The following GAB2 variants were observed in gnomAD, a reference collection of about 807,000 sequenced individuals.
GAB2 encodes GRB2 associated binding protein 2.
A neutral mutation model predicts 65.5 loss-of-function variants in GAB2; 26 were observed. The observed-to-expected ratio is 0.40, with a 90% CI of 0.29 to 0.55. The LOEUF (loss-of-function observed/expected upper bound fraction) is 0.55. Among genes scored for constraint, GAB2 ranks in the 20% least tolerant of loss-of-function variants. The pLI, the probability that GAB2 is intolerant of heterozygous loss-of-function variation, is 0.53. For synonymous variants in GAB2, 321 were observed against 329.6 expected, an observed-to-expected ratio of 0.97 and a Z score of 0.28; for missense variants, 884 against 875.8, an observed-to-expected ratio of 1.01 and a Z score of -0.12.
At chr11:78,233,183 G>GC (rs1394319799) in intron 3 of GAB2, among the ~76,000 whole-genome samples, 1 of 152,120 alleles carries the variant, frequency 6.6e-6, no homozygotes, top group East Asian at 1.9e-4. Context: ...GGGGCTACAG[G>GC]CATGTGCCAC....
chr11:78,222,572 A>C (rs191094594), intron 6 of GAB2, among the ~76,000 whole-genome samples: 2 of 149,146 alleles, frequency 1.3e-5, no homozygotes, highest in African/African-American at 2.4e-5. Context: ...TATACTATTT[A>C]TATATTAACA....
At chr11:78,360,253 T>A (rs117290944) in intron 1 of GAB2, among the ~76,000 whole-genome samples, 3,157 of 152,196 alleles carry the variant, frequency 0.021, 55 homozygotes, top group Middle Eastern at 0.034. Flanking sequence ...AAATTTGTAG[T>A]CATTTGTTAC....
intron 2 of GAB2, among the ~76,000 whole-genome samples, chr11:78,267,582 G>C (rs1369540821): frequency 6.6e-6 from 1 of 152,100 alleles, no homozygotes; most frequent in African/African-American, 2.4e-5. Context: ...GAATAGGCCA[G>C]GTGCGGTGGC....
intron 1 of GAB2, among the ~76,000 whole-genome samples, chr11:78,362,433 A>T (rs912126727): frequency 6.6e-6 from 1 of 152,146 alleles, no homozygotes; most frequent in African/African-American, 2.4e-5. Context: ...AAATAAGCAG[A>T]GGGATAAAAA....
intron 1 of GAB2, among the ~76,000 whole-genome samples, chr11:78,290,468 A>G: frequency 6.6e-6 from 1 of 152,234 alleles, no homozygotes; most frequent in East Asian, 1.9e-4. Flanking sequence ...TACATGTCAC[A>G]TGAACCTGTC....
chr11:78,382,393 T>G (rs1214128305), intron 1 of GAB2, among the ~76,000 whole-genome samples: 1 of 151,764 alleles, frequency 6.6e-6, no homozygotes, highest in East Asian at 1.9e-4. Flanking sequence ...ATTTTTTTTT[T>G]TTTGAGACAG....
At chr11:78,409,509 A>T (rs1235215920) in intron 1 of GAB2, among the ~76,000 whole-genome samples, 1 of 152,204 alleles carries the variant, frequency 6.6e-6, no homozygotes, top group Non-Finnish European at 1.5e-5. Flanking sequence ...GCTTGCACCC[A>T]GGAGGTGGAG....
At chr11:78,340,493 T>C (rs558301924) in intron 1 of GAB2, among the ~76,000 whole-genome samples, 3 of 152,186 alleles carry the variant, frequency 2.0e-5, no homozygotes, top group Non-Finnish European at 4.4e-5. Context: ...CCTGTGTCAT[T>C]CCTCCTATCA....
intron 2 of GAB2, among the ~76,000 whole-genome samples, chr11:78,276,966 C>T (rs993451249): frequency 2.0e-5 from 3 of 152,078 alleles, no homozygotes; most frequent in African/African-American, 4.8e-5. Flanking sequence ...TACAGTTGCC[C>T]GCCACCACGC....
intron 1 of GAB2, among the ~76,000 whole-genome samples, chr11:78,282,287 T>C (rs948325179): frequency 6.6e-6 from 1 of 152,022 alleles, no homozygotes; most frequent in African/African-American, 2.4e-5. Context: ...AGTCTATGCT[T>C]TACCATTGAC....
At chr11:78,232,146 C>G (rs1314709006) in intron 3 of GAB2, among the ~76,000 whole-genome samples, 1 of 152,218 alleles carries the variant, frequency 6.6e-6, no homozygotes, top group East Asian at 1.9e-4. Flanking sequence ...ATCAAAGCCT[C>G]TGGTGAATGA....
chr11:78,332,279 C>T (rs903695885), intron 1 of GAB2, among the ~76,000 whole-genome samples: 1 of 152,064 alleles, frequency 6.6e-6, no homozygotes, highest in South Asian at 2.1e-4. Context: ...GTGGTGAGGC[C>T]CCTGGTTTTT....
At chr11:78,369,203 T>C (rs979366246) in intron 1 of GAB2, among the ~76,000 whole-genome samples, 1 of 151,708 alleles carries the variant, frequency 6.6e-6, no homozygotes, top group African/African-American at 2.4e-5. Flanking sequence ...TTATCATCCC[T>C]GCTGGTCTCC....
intron 1 of GAB2, among the ~76,000 whole-genome samples, chr11:78,349,292 C>A (rs1856238068): frequency 6.6e-6 from 1 of 152,188 alleles, no homozygotes; most frequent in Non-Finnish European, 1.5e-5. Context: ...AAACAGGAAG[C>A]TGTATAGAAG....
At chr11:78,219,447 C>T in intron 9 of GAB2, 32 bp from the exon 10 acceptor site, 1 of 1,608,690 alleles carries the variant, frequency 6.2e-7, no homozygotes, top group Non-Finnish European at 8.5e-7. Context: ...GAGGGAGTAG[C>T]TGTGAGTTAC....
intron 1 of GAB2, among the ~76,000 whole-genome samples, chr11:78,393,282 C>T (rs914848165): frequency 1.3e-5 from 2 of 152,170 alleles, no homozygotes; most frequent in South Asian, 4.1e-4. Context: ...GAGATTCCCC[C>T]GCTCTAGTTA....
At chr11:78,247,947 G>A (rs1456234149) in intron 3 of GAB2, among the ~76,000 whole-genome samples, 1 of 152,130 alleles carries the variant, frequency 6.6e-6, no homozygotes. Context: ...TGACAGAGAA[G>A]AACATGACTT....
chr11:78,262,192 G>A (rs991397908), intron 2 of GAB2, among the ~76,000 whole-genome samples: 10 of 152,208 alleles, frequency 6.6e-5, no homozygotes, highest in Admixed American at 2.6e-4. Context: ...ATAATTCTCT[G>A]AAGGGGAACT....
At chr11:78,292,937 C>A (rs1866719822) in intron 1 of GAB2, among the ~76,000 whole-genome samples, 1 of 152,194 alleles carries the variant, frequency 6.6e-6, no homozygotes, top group Non-Finnish European at 1.5e-5. Flanking sequence ...AAACAACTTA[C>A]AGAGACCACA....
Sources: gnomAD v4.1 joint callset for allele counts (sites outside exome capture counted in the v4.1 genomes callset) on GRCh38, gnomAD v4.1.1 for gene constraint, MANE v1.5 for transcripts, NCBI Gene and HGNC (gene_info 2026-07-23, HGNC 2026-07-21) for gene names.